Variants in MAP2 observed in about 807,000 individuals in gnomAD.
The protein encoded by MAP2 is microtubule associated protein 2, also known as microtubule-associated protein 2.
MAP2 carries 14 observed loss-of-function variants against 137.6 expected under a neutral mutation model. The ratio of observed to expected loss-of-function variants is 0.10; its 90% CI spans 0.07 to 0.16. The LOEUF (loss-of-function observed/expected upper bound fraction) is 0.16. Ranked by LOEUF, MAP2 falls within the 10% of genes least tolerant of loss-of-function variation. The pLI is 1.00. For synonymous variants in MAP2, 786 were observed against 782.3 expected (o/e 1.00, Z -0.08); for missense variants, 2,088 against 2,191.5 (o/e 0.95, Z 0.94).
At position 209,733,460 on chromosome 2, in the gene MAP2, C is replaced by CCACACACACACACACACACACACACACA. The variant is rs112861196; in HGVS notation, c.*3069_*3096dup. The CCACACACACACACACACACACACACACA allele has an allele frequency of 1.4e-5, 2 of 148,112 alleles. No homozygotes were observed. The highest frequency in any genetic ancestry group is 5.0e-5 in the African/African-American group (2 of 40,050). The allele number at this position is 148,112 out of a possible 1,614,324, so 9.2% of individuals were successfully genotyped here. On this transcript the variant is annotated 3_prime_UTR_variant, in exon 16 of 16. Coordinates refer to ENST00000682079, the MANE Select transcript of MAP2 (RefSeq NM_001375505.1). ...AATGTACTGATTGTAGTGACCTTCT[C>CCACACACACACACACACACACACACACA]CACACACACACACACACACACACAC...
chr2:209,429,350 G>T, intron 1 of MAP2, among the ~76,000 whole-genome samples: 1 of 150,414 alleles, frequency 6.6e-6, no homozygotes, highest in African/African-American at 2.5e-5. Context: ...TTATTATTTT[G>T]TTCATCAGAC....
In MAP2 at chr2:209,496,655, T is replaced by C. The variant is rs924919205; in HGVS notation, c.-221-10937T>C. Among the ~76,000 whole-genome samples, 42 of 152,236 alleles carry C rather than the reference T, an allele frequency of 2.8e-4. 1 individual carries two copies. Among genetic ancestry groups the C allele is most frequent in the Non-Finnish European group, 2.9e-5 (2 of 68,036 alleles). ...TTAATGTGTCTAATAAAGCCCATTA[T>C]CCTCTACTTTTACCCAGCAACCTGA... On this transcript the variant is annotated intron_variant, in intron 1 of 15. Coordinates refer to ENST00000682079, the MANE Select transcript of MAP2 (RefSeq NM_001375505.1).
In MAP2 at chr2:209,693,217, C is replaced by CA; in HGVS notation, c.1053dup (p.Ser352IlefsTer14). The CA allele has an allele frequency of 6.2e-7, 1 of 1,612,802 alleles. No individual in the cohort carries two copies. Among genetic ancestry groups the CA allele is most frequent in the Non-Finnish European group, 8.5e-7 (1 of 1,179,722 alleles). On this transcript the variant is annotated frameshift_variant, in exon 8 of 16. Transcript: ENST00000682079. LOFTEE classifies it high-confidence loss of function. ...CCCCTGCCTTTTTACAGCCAGATGA[C>CA]AAAAAATCTCTGCAACAAACCAGTG...
chr2:209,503,826 G>C (rs949219533), intron 1 of MAP2, among the ~76,000 whole-genome samples: 1 of 152,146 alleles, frequency 6.6e-6, no homozygotes. Context: ...TATTTTGTGT[G>C]CTGCAAACGT....
At chr2:209,718,333 T>C (rs2068632304) in intron 13 of MAP2, among the ~76,000 whole-genome samples, 1 of 152,182 alleles carries the variant, frequency 6.6e-6, no homozygotes, top group East Asian at 1.9e-4. Flanking sequence ...TAACAATTAC[T>C]TTCTTTGATG....
chr2:209,475,477 A>C (rs1329655583), intron 1 of MAP2, among the ~76,000 whole-genome samples: 1 of 152,118 alleles, frequency 6.6e-6, no homozygotes, highest in Non-Finnish European at 1.5e-5. Flanking sequence ...AAACATTTAG[A>C]AATAAATGTT....
At position 209,686,880 on chromosome 2, in the gene MAP2, G is replaced by A. The variant is rs2057202543; in HGVS notation, c.455-5745G>A. On this transcript the variant is annotated intron_variant, in intron 7 of 15. Coordinates refer to ENST00000682079, the MANE Select transcript of MAP2 (RefSeq NM_001375505.1). ...ATAAAGTCTTGATGAATCTGCAGCC[G>A]ACTCTGCAGAAATTTTTAGCTAATT... 3.9e-5 allele frequency among the ~76,000 whole-genome samples: 6 copies of A among 152,216 alleles called. No individual in the cohort carries two copies. The South Asian group carries it at 1.2e-3, about 32-fold the overall frequency.
At chr2:209,675,745 C>G (rs1356970197) in intron 5 of MAP2, among the ~76,000 whole-genome samples, 2 of 151,670 alleles carry the variant, frequency 1.3e-5, no homozygotes, top group Non-Finnish European at 2.9e-5. Context: ...ATAATTTGCT[C>G]ATATAACCAA....
At chr2:209,682,973 T>A (rs1203040831) in intron 7 of MAP2, among the ~76,000 whole-genome samples, 10 of 152,138 alleles carry the variant, frequency 6.6e-5, no homozygotes, top group Admixed American at 6.6e-4. Context: ...CAGAGAGGGA[T>A]ATGATGTTGA....
intron 1 of MAP2, among the ~76,000 whole-genome samples, chr2:209,451,859 C>CA (rs1419166720): frequency 6.6e-6 from 1 of 152,200 alleles, no homozygotes; most frequent in Non-Finnish European, 1.5e-5. Context: ...TTTTCTCTTG[C>CA]AACCTAATCC....
intron 2 of MAP2, among the ~76,000 whole-genome samples, chr2:209,541,893 ACTT>A (rs1315965978): frequency 1.3e-5 from 2 of 152,124 alleles, no homozygotes; most frequent in Non-Finnish European, 2.9e-5. Context: ...TTAAGTTAAT[ACTT>A]CTTTTAAACT....
intron 2 of MAP2, among the ~76,000 whole-genome samples, chr2:209,577,596 A>G (rs957487117): frequency 1.3e-5 from 2 of 152,162 alleles, no homozygotes; most frequent in Non-Finnish European, 2.9e-5. Flanking sequence ...ATGAATTATT[A>G]TCATTATTAT....
chr2:209,486,516 C>A (rs1468649489), intron 1 of MAP2, among the ~76,000 whole-genome samples: 1 of 152,114 alleles, frequency 6.6e-6, no homozygotes, highest in Non-Finnish European at 1.5e-5. Context: ...GCCGCCACAC[C>A]CAGCCTAGGG....
At chr2:209,567,482 G>T (rs536501093) in intron 2 of MAP2, among the ~76,000 whole-genome samples, 8 of 152,182 alleles carry the variant, frequency 5.3e-5, no homozygotes, top group Non-Finnish European at 1.2e-4. Flanking sequence ...AAAAAGGTCA[G>T]TGGTCCTGGG....
intron 1 of MAP2, among the ~76,000 whole-genome samples, chr2:209,430,956 TGAA>T (rs1694103644): frequency 6.6e-6 from 1 of 152,178 alleles, no homozygotes; most frequent in African/African-American, 2.4e-5. Flanking sequence ...TTATTCGGGA[TGAA>T]GATTATTTCA....
chr2:209,593,634 A>AAAAAATAT (rs1286103137), intron 3 of MAP2, among the ~76,000 whole-genome samples: 2 of 33,642 alleles, frequency 5.9e-5, no homozygotes, highest in Non-Finnish European at 9.8e-5. Context: ...AAAAAAAAAA[A>AAAAAATAT]ATATATATAT....
rs1292149975 is a variant in MAP2 at position 209,546,107 on chromosome 2, C to T, written c.-171-33929C>T. ...GCGGTAAGCCGAGATCGCGCCACTG[C>T]ACTCCAGCCTGGGCAACAGCGTGAG... On this transcript the variant is annotated intron_variant, in intron 2 of 15. Coordinates refer to ENST00000682079, the MANE Select transcript of MAP2 (RefSeq NM_001375505.1). 2.0e-5 allele frequency among the ~76,000 whole-genome samples: 3 copies of T among 152,114 alleles called. No individual in the cohort carries two copies. The South Asian group carries it at 6.2e-4, about 32-fold the overall frequency.
chr2:209,477,429 A>T (rs909487308), intron 1 of MAP2, among the ~76,000 whole-genome samples: 1 of 152,200 alleles, frequency 6.6e-6, no homozygotes, highest in Non-Finnish European at 1.5e-5. Flanking sequence ...AATAAAGAAT[A>T]CATCATGATT....
At chr2:209,718,203 T>G (rs1299402648) in intron 13 of MAP2, among the ~76,000 whole-genome samples, 1 of 152,104 alleles carries the variant, frequency 6.6e-6, no homozygotes, top group East Asian at 1.9e-4. Context: ...TATGAGAAAA[T>G]TACCACTTTG....
Sources: gnomAD v4.1 joint callset for allele counts (sites outside exome capture counted in the v4.1 genomes callset) on GRCh38, gnomAD v4.1.1 for gene constraint, MANE v1.5 for transcripts, NCBI Gene and HGNC (gene_info 2026-07-23, HGNC 2026-07-21) for gene names.